The following SLC16A3 variants were observed in gnomAD, a reference collection of about 807,000 sequenced individuals.
SLC16A3 encodes the protein solute carrier family 16 member 3.
In SLC16A3, 22 loss-of-function variants were observed where a neutral mutation model predicts 25.0. The ratio of observed to expected loss-of-function variants is 0.88; its 90% CI spans 0.63 to 1.26. The LOEUF is 1.26. SLC16A3 is among the 50% of genes most tolerant of loss of function. SLC16A3 has a pLI of 0.00. For missense variants in SLC16A3, 731 were observed against 666.6 expected (o/e 1.10, Z -1.06); for synonymous variants, 390 against 309.2 (o/e 1.26, Z -2.74).
intron 1 of SLC16A3, chr17:82,232,138 A>C (rs3176828): frequency 0.74 from 113,316 of 152,238 alleles, 42,390 homozygotes; most frequent in East Asian, 0.93. Context: ...CAGGCAGCTC[A>C]TGGGATCCAG....
upstream of SLC16A3, among the ~76,000 whole-genome samples, chr17:82,228,092 C>T (rs1037982968): frequency 1.3e-5 from 2 of 152,206 alleles, no homozygotes; most frequent in African/African-American, 4.8e-5. Flanking sequence ...CGGGAGGGGC[C>T]AGTTAAAGCA....
intron 1 of SLC16A3, among the ~76,000 whole-genome samples, chr17:82,221,823 G>C (rs1276281222): frequency 6.6e-6 from 1 of 152,030 alleles, no homozygotes; most frequent in Non-Finnish European, 1.5e-5. Flanking sequence ...AGGATCACTT[G>C]AGCCCAGGAG....
upstream of SLC16A3, among the ~76,000 whole-genome samples, chr17:82,226,289 GT>G (rs2050421266): frequency 6.6e-6 from 1 of 152,138 alleles, no homozygotes; most frequent in South Asian, 2.1e-4. Flanking sequence ...GGTGCCACCT[GT>G]CCACACCCCC....
At chr17:82,230,182 C>T (rs918463569) in intron 1 of SLC16A3, 1 of 152,442 alleles carries the variant, frequency 6.6e-6, no homozygotes, top group African/African-American at 2.4e-5. Context: ...GTCTATTCCG[C>T]CAGCGTGGTG....
Position 82,237,231 on chromosome 17 carries a change from CAG to C in SLC16A3, c.462_463del (p.Gly155Ter). On this transcript the variant is annotated frameshift_variant, in exon 4 of 5. Coordinates refer to ENST00000582743, the MANE Select transcript of SLC16A3 (RefSeq NM_004207.4). LOFTEE classifies it high-confidence loss of function. ...CCCATGGCCAACGGGCTGGCGGCAG[CAG>C]GTAGCCCTGTCTTCCTGTGTGCCCT... 1 of 1,553,890 alleles carries C rather than the reference CAG, an allele frequency of 6.4e-7. No homozygotes were observed. The highest frequency in any genetic ancestry group is 8.7e-7 in the Non-Finnish European group (1 of 1,148,876).
intron 1 of SLC16A3, among the ~76,000 whole-genome samples, chr17:82,219,589 A>G (rs57405744): frequency 0.76 from 114,723 of 151,494 alleles, 44,110 homozygotes; most frequent in East Asian, 0.93. Context: ...ACCGCCTCCC[A>G]GGTGCCGGTG....
At chr17:82,237,959 G>C in intron 4 of SLC16A3, 66 bp downstream of exon 4, 4 of 1,542,132 alleles carry the variant, frequency 2.6e-6, no homozygotes, top group Non-Finnish European at 3.5e-6. Flanking sequence ...GCTTTGCGAG[G>C]GGGGGGACGC....
intron 1 of SLC16A3, among the ~76,000 whole-genome samples, chr17:82,220,377 C>A (rs1325774144): frequency 1.3e-5 from 2 of 152,202 alleles, no homozygotes; most frequent in African/African-American, 4.8e-5. Flanking sequence ...AGGGGAGACC[C>A]AGGGCAACCT....
chr17:82,228,653 G>C (rs1229425236), upstream of SLC16A3: 1 of 152,356 alleles, frequency 6.6e-6, no homozygotes, highest in East Asian at 1.9e-4. Context: ...CCCCGGCGTT[G>C]GGGGGCGAGG....
intron 1 of SLC16A3, among the ~76,000 whole-genome samples, chr17:82,223,325 G>A (rs1367854727): frequency 5.3e-5 from 8 of 152,038 alleles, no homozygotes; most frequent in Non-Finnish European, 1.0e-4. Flanking sequence ...TGGGATTACC[G>A]GCATGTGCCA....
At position 82,239,360 on chromosome 17, in the gene SLC16A3, C is replaced by T. The variant is rs977475812; in HGVS notation, c.*384C>T. On this transcript the variant is annotated 3_prime_UTR_variant, in exon 5 of 5. Transcript: ENST00000582743. The stretch of plus-strand genomic sequence containing the variant: ...GGCAGGTGCTGCGTGGGGCCCTCTC[C>T]AGCCCGTCCTACCCTGGGCTCACAT... 9 of 196,662 alleles carry T rather than the reference C, an allele frequency of 4.6e-5. No homozygotes were observed. Among genetic ancestry groups the T allele is most frequent in the Non-Finnish European group, 8.2e-5 (8 of 97,064 alleles). The allele number at this position is 196,662 out of a possible 1,614,324, so 12.2% of individuals were successfully genotyped here.
chr17:82,238,466 A>G (rs1226458321), intron 4 of SLC16A3, among the ~76,000 whole-genome samples: 2 of 152,088 alleles, frequency 1.3e-5, no homozygotes, highest in Non-Finnish European at 2.9e-5. Flanking sequence ...CCGAAACCCA[A>G]ACTCCACAAA....
At position 82,239,785 on chromosome 17, in the gene SLC16A3, C is replaced by T; in HGVS notation, c.*809C>T. On this transcript the variant is annotated 3_prime_UTR_variant, in exon 5 of 5. Transcript: ENST00000582743. ...TTAAGAAACAGGACCCTCCTGCCTT[C>T]CCTTTTTCGCCCCTCTGCCTGGCTG... is the stretch of plus-strand genomic sequence containing the variant. 2.5e-6 allele frequency: 1 copy of T among 396,922 alleles called. No homozygotes were observed. Among genetic ancestry groups the T allele is most frequent in the Non-Finnish European group, 4.4e-6 (1 of 225,798 alleles). The allele number at this position is 396,922 out of a possible 1,614,324, so 24.6% of individuals were successfully genotyped here. A position where few individuals can be genotyped will look rare whatever the true frequency, so the allele number is the denominator to read the frequency against.
At chr17:82,229,764 C>G (rs1015717215) in intron 1 of SLC16A3, 1 of 152,290 alleles carries the variant, frequency 6.6e-6, no homozygotes, top group Non-Finnish European at 1.5e-5. Context: ...ACTTCCTAAC[C>G]CACGCCTCAG....
chr17:82,238,657 G>C, intron 4 of SLC16A3, 45 bp from the exon 5 acceptor site: 1 of 1,568,340 alleles, frequency 6.4e-7, no homozygotes, highest in Non-Finnish European at 8.6e-7. Context: ...TGGGCCCTGG[G>C]GGCAGCCCGC....
rs1367298653 is a variant in SLC16A3 at position 82,239,434 on chromosome 17, C to A, written c.*458C>A. On this transcript the variant is annotated 3_prime_UTR_variant, in exon 5 of 5. Transcript: ENST00000582743. ...AGTGTCTTGGGGACAGCTCTTTCCACCCCTGGAAGATGGAAATAAACCTGC... is the reference window on the plus strand; with the variant it reads ...AGTGTCTTGGGGACAGCTCTTTCCAACCCTGGAAGATGGAAATAAACCTGC... 2 of 170,188 alleles carry A rather than the reference C, an allele frequency of 1.2e-5. No homozygotes were observed. Among genetic ancestry groups the A allele is most frequent in the African/African-American group, 4.7e-5 (2 of 42,216 alleles). The allele number at this position is 170,188 out of a possible 1,614,324, so 10.5% of individuals were successfully genotyped here. A position where few individuals can be genotyped will look rare whatever the true frequency, so the allele number is the denominator to read the frequency against.
exon 1 of SLC16A3, among the ~76,000 whole-genome samples, chr17:82,218,088 C>T (rs1212444044): frequency 1.3e-5 from 2 of 152,244 alleles, no homozygotes; most frequent in Non-Finnish European, 2.9e-5. Flanking sequence ...ACAGCAGGGG[C>T]TGGCAGGTGG....
chr17:82,222,698 G>GC, intron 1 of SLC16A3, among the ~76,000 whole-genome samples: 1 of 151,994 alleles, frequency 6.6e-6, no homozygotes, highest in Middle Eastern at 3.4e-3. Context: ...AGCTACTCGG[G>GC]AGGCTGAGGC....
At chr17:82,217,960 C>T (rs140733844) in exon 1 of SLC16A3, among the ~76,000 whole-genome samples, 432 of 152,366 alleles carry the variant, frequency 2.8e-3, no homozygotes, top group African/African-American at 9.8e-3. Context: ...GCCCCATAGG[C>T]CTCTAGCCAC....
Sources: gnomAD v4.1 joint callset for allele counts (sites outside exome capture counted in the v4.1 genomes callset) on GRCh38, gnomAD v4.1.1 for gene constraint, MANE v1.5 for transcripts, NCBI Gene and HGNC (gene_info 2026-07-23, HGNC 2026-07-21) for gene names.